The following DOK5 variants were observed in gnomAD, a reference collection of about 807,000 sequenced individuals.
The protein encoded by DOK5 is docking protein 5.
DOK5 carries 27 observed loss-of-function variants against 43.3 expected under a neutral mutation model. The ratio of observed to expected loss-of-function variants is 0.62; its 90% confidence interval spans 0.46 to 0.86. The LOEUF (loss-of-function observed/expected upper bound fraction) is 0.86, where lower values mean the gene tolerates loss of function less well. DOK5 is among the 40% of genes least tolerant of loss of function. DOK5 has a pLI of 0.00. For missense variants in DOK5, 373 were observed against 392.9 expected (o/e 0.95, Z 0.43); for synonymous variants, 146 against 140.1 (o/e 1.04, Z -0.30).
At chr20:54,644,713 A>AC (rs1555839798) in intron 7 of DOK5, among the ~76,000 whole-genome samples, 17 of 51,996 alleles carry the variant, frequency 3.3e-4, no homozygotes, top group African/African-American at 6.8e-4. Flanking sequence ...CTCAAAAAAA[A>AC]AAAAAAAAAA....
At position 54,554,101 on chromosome 20, in the gene DOK5, C is replaced by G. The variant is rs540834216; in HGVS notation, c.67-832C>G. Reference sequence around the variant, plus strand: ...TAGTTTTGGTTGCTAGAATCAGACCCCCATTCAAGCTAGCTTAATTAAAAG... The same window carrying G: ...TAGTTTTGGTTGCTAGAATCAGACCGCCATTCAAGCTAGCTTAATTAAAAG... On this transcript the variant is annotated intron_variant, in intron 1 of 7. Coordinates refer to ENST00000262593, the MANE Select transcript of DOK5 (RefSeq NM_018431.5). Among the ~76,000 whole-genome samples, 7 of 152,114 alleles carry G rather than the reference C, an allele frequency of 4.6e-5. No individual in the cohort carries two copies. The South Asian group carries it at 1.5e-3, about 32-fold the overall frequency.
At chr20:54,574,104 C>T (rs1985380807) in intron 2 of DOK5, among the ~76,000 whole-genome samples, 2 of 152,122 alleles carry the variant, frequency 1.3e-5, no homozygotes, top group Admixed American at 6.5e-5. Context: ...CGAGCCGGAC[C>T]GCCTTCCCCA....
In DOK5 at chr20:54,602,825, C is replaced by T. The variant is rs142164991; in HGVS notation, c.600-7563C>T. The stretch of plus-strand genomic sequence containing the variant: ...AGTAGCTGGGATTATAGTCGCACAC[C>T]GCCATGCCTGGATAATTTTTGTATT... On this transcript the variant is annotated intron_variant, in intron 5 of 7. Coordinates refer to ENST00000262593, the MANE Select transcript of DOK5 (RefSeq NM_018431.5). 4.6e-3 allele frequency among the ~76,000 whole-genome samples: 696 copies of T among 152,180 alleles called. 4 individuals are homozygous for T. Among genetic ancestry groups the T allele is most frequent in the African/African-American group, 0.016 (667 of 41,514 alleles).
At position 54,595,887 on chromosome 20, in the gene DOK5, G is replaced by A. The variant is rs560669434; in HGVS notation, c.599+4082G>A. Among the ~76,000 whole-genome samples the A allele has an allele frequency of 7.9e-5, 12 of 152,284 alleles. No individual in the cohort carries two copies. In the East Asian group the frequency reaches 1.9e-3, roughly 24 times the overall value. On this transcript the variant is annotated intron_variant, in intron 5 of 7. Coordinates refer to ENST00000262593, the MANE Select transcript of DOK5 (RefSeq NM_018431.5). ...TTGCTAGCTGCTAACCTTGGACAAA[G>A]TTCTTAACTTTCCTTGTAAGTTGAT... is the stretch of plus-strand genomic sequence containing the variant.
intron 6 of DOK5, among the ~76,000 whole-genome samples, chr20:54,627,956 A>G (rs1470881467): frequency 6.6e-6 from 1 of 152,240 alleles, no homozygotes; most frequent in African/African-American, 2.4e-5. Context: ...TGGGAGCTAC[A>G]GAAATCATAG....
chr20:54,560,522 C>CT (rs2146735313), intron 2 of DOK5, among the ~76,000 whole-genome samples: 1 of 152,246 alleles, frequency 6.6e-6, no homozygotes, highest in South Asian at 2.1e-4. Flanking sequence ...AATTTAAGTA[C>CT]TTTTTTCTAG....
intron 5 of DOK5, among the ~76,000 whole-genome samples, chr20:54,601,829 A>G (rs956712225): frequency 3.3e-5 from 5 of 152,228 alleles, no homozygotes; most frequent in African/African-American, 1.2e-4. Flanking sequence ...TGGAGAAACA[A>G]AACACCCAAT....
chr20:54,631,823 T>G (rs944792327), intron 6 of DOK5, among the ~76,000 whole-genome samples: 11 of 152,082 alleles, frequency 7.2e-5, no homozygotes, highest in African/African-American at 2.6e-4. Context: ...AATACAAAAA[T>G]TAGCTGGGCA....
chr20:54,646,926 A>G lies in DOK5; in HGVS notation c.856+3348A>G, dbSNP rs74830845. On this transcript the variant is annotated intron_variant, in intron 7 of 7. Transcript: ENST00000262593. ...TTTTTTTCTGGCAAATCTGGAGGTT[A>G]AGGTTGGAAATCATACAGACCCTTA... Among the ~76,000 whole-genome samples, 734 of 148,244 alleles carry G rather than the reference A, an allele frequency of 5.0e-3. 7 individuals carry two copies. The highest frequency in any genetic ancestry group is 0.018 in the African/African-American group (715 of 40,570).
intron 1 of DOK5, among the ~76,000 whole-genome samples, chr20:54,529,594 C>G (rs1983695528): frequency 6.6e-6 from 1 of 151,662 alleles, no homozygotes; most frequent in South Asian, 2.1e-4. Flanking sequence ...TAAGATTCAT[C>G]CTTTTAAAGT....
intron 6 of DOK5, among the ~76,000 whole-genome samples, chr20:54,633,568 G>A (rs1436218063): frequency 1.3e-5 from 2 of 152,230 alleles, no homozygotes; most frequent in African/African-American, 4.8e-5. Context: ...TTGAGAATGT[G>A]TTCAGGCGTG....
intron 1 of DOK5, among the ~76,000 whole-genome samples, chr20:54,525,563 A>C (rs1391353779): frequency 6.6e-6 from 1 of 152,208 alleles, no homozygotes; most frequent in Non-Finnish European, 1.5e-5. Flanking sequence ...ATCTAGATGC[A>C]GATCTGGTCT....
chr20:54,540,108 T>C (rs986594398), intron 1 of DOK5, among the ~76,000 whole-genome samples: 1 of 151,842 alleles, frequency 6.6e-6, no homozygotes, highest in Non-Finnish European at 1.5e-5. Flanking sequence ...TCAGAACACC[T>C]CTCTAAGTCC....
chr20:54,485,458 G>T (rs751177233), intron 1 of DOK5, among the ~76,000 whole-genome samples: 13 of 152,084 alleles, frequency 8.5e-5, no homozygotes, highest in East Asian at 1.9e-4. Context: ...ATTCGTTCAG[G>T]TTGTTGTGTG....
chr20:54,576,595 A>C (rs1471870902), intron 2 of DOK5, among the ~76,000 whole-genome samples: 1 of 152,218 alleles, frequency 6.6e-6, no homozygotes, highest in African/African-American at 2.4e-5. Context: ...TAACGAGTGA[A>C]GATTCACTGA....
Position 54,508,574 on chromosome 20 carries a change from A to ATATT in DOK5, c.66+32580_66+32583dup, listed in dbSNP as rs567354410. On this transcript the variant is annotated intron_variant, in intron 1 of 7. Coordinates refer to ENST00000262593, the MANE Select transcript of DOK5 (RefSeq NM_018431.5). Reference sequence around the variant, plus strand: ...AGGCTTTGGGAATGTTTTAATTTTTATATTTATTTATTTATTTATTTTGAC... The same window carrying ATATT: ...AGGCTTTGGGAATGTTTTAATTTTTATATTTATTTATTTATTTATTTATTTTGAC... 4.1e-3 allele frequency among the ~76,000 whole-genome samples: 614 copies of ATATT among 151,594 alleles called. 6 individuals carry two copies. Among genetic ancestry groups the ATATT allele is most frequent in the African/African-American group, 0.014 (563 of 41,320 alleles).
At chr20:54,564,338 G>A (rs2146739676) in intron 2 of DOK5, among the ~76,000 whole-genome samples, 1 of 152,312 alleles carries the variant, frequency 6.6e-6, no homozygotes, top group Non-Finnish European at 1.5e-5. Context: ...GGCTGAGGCA[G>A]GAGAATGGCA....
intron 6 of DOK5, among the ~76,000 whole-genome samples, chr20:54,634,235 C>G (rs1978708413): frequency 6.8e-6 from 1 of 146,144 alleles, no homozygotes; most frequent in Non-Finnish European, 1.5e-5. Context: ...AGGGCCTTGG[C>G]AATCAGCCCT....
intron 1 of DOK5, among the ~76,000 whole-genome samples, chr20:54,487,850 T>C (rs1982001604): frequency 6.6e-6 from 1 of 152,176 alleles, no homozygotes; most frequent in Non-Finnish European, 1.5e-5. Flanking sequence ...GGATGTACAA[T>C]GGATACTGCT....
Sources: gnomAD v4.1 joint callset for allele counts (sites outside exome capture counted in the v4.1 genomes callset) on GRCh38, gnomAD v4.1.1 for gene constraint, MANE v1.5 for transcripts, NCBI Gene and HGNC (gene_info 2026-07-23, HGNC 2026-07-21) for gene names.